KIRREL1: variants seen among roughly 807,000 people sequenced by gnomAD.
The protein encoded by KIRREL1 is kirre like nephrin family adhesion molecule 1.
Under a neutral mutation model 83.3 loss-of-function variants are expected in KIRREL1, and 25 were observed. The ratio of observed to expected loss-of-function variants is 0.30; its 90% CI spans 0.22 to 0.42. The LOEUF is 0.42. KIRREL1 is among the 10% of genes least tolerant of loss of function. KIRREL1 has a pLI of 1.00. For missense variants in KIRREL1, 812 were observed against 1,032.3 expected, an observed-to-expected ratio of 0.79 and a Z score of 2.92; for synonymous variants, 388 against 410.4, an observed-to-expected ratio of 0.95 and a Z score of 0.66.
At chr1:158,000,623 G>A (rs1659335863) in intron 1 of KIRREL1, among the ~76,000 whole-genome samples, 1 of 152,144 alleles carries the variant, frequency 6.6e-6, no homozygotes, top group Non-Finnish European at 1.5e-5. Context: ...TGACACTTTT[G>A]TTTTTTCTTT....
At chr1:158,073,679 G>T (rs1196933369) in intron 1 of KIRREL1, among the ~76,000 whole-genome samples, 2 of 152,152 alleles carry the variant, frequency 1.3e-5, no homozygotes, top group Admixed American at 1.3e-4. Flanking sequence ...GCTTGTCATT[G>T]TACAGGTGAG....
chr1:158,004,175 T>C (rs1054598424), intron 1 of KIRREL1, among the ~76,000 whole-genome samples: 1 of 152,170 alleles, frequency 6.6e-6, no homozygotes, highest in East Asian at 1.9e-4. Flanking sequence ...TCTAGGGTTG[T>C]TGTGAGGATT....
At chr1:158,031,385 G>A (rs1218549359) in intron 1 of KIRREL1, among the ~76,000 whole-genome samples, 1 of 152,096 alleles carries the variant, frequency 6.6e-6, no homozygotes, top group African/African-American at 2.4e-5. Context: ...ATGAGGCTTG[G>A]AGAGTTAGGG....
rs558306070 is a variant in KIRREL1, at chr1:158,018,158, G to C, written c.52+24430G>C. Among the ~76,000 whole-genome samples, 10 of 152,256 alleles carry C rather than the reference G, an allele frequency of 6.6e-5. No individual in the cohort carries two copies. The South Asian group carries it at 2.1e-3, about 32-fold the overall frequency. ...GGCTGGTGGAATATGCTGAGAGGAA[G>C]AATTGGGGGGGTGGGAAGCAGGAAA... is the stretch of plus-strand genomic sequence containing the variant. On this transcript the variant is annotated intron_variant, in intron 1 of 14. Transcript: ENST00000359209.
intron 11 of KIRREL1, among the ~76,000 whole-genome samples, chr1:158,092,642 C>T (rs188509144): frequency 1.8e-3 from 281 of 152,232 alleles, no homozygotes; most frequent in Non-Finnish European, 2.9e-3. Flanking sequence ...CCACCATGCC[C>T]GGCCTATCAC....
At position 158,095,278 on chromosome 1, in the gene KIRREL1, T is replaced by TC; in HGVS notation, c.*161dup. The stretch of plus-strand genomic sequence containing the variant: ...GAGCAGGTCTCCCAGAAACACCCCG[T>TC]CCCGAGGATGGTGCTCTGTGCATGC... On this transcript the variant is annotated 3_prime_UTR_variant, in exon 15 of 15. Coordinates refer to ENST00000359209, the MANE Select transcript of KIRREL1 (RefSeq NM_018240.7). The TC allele has an allele frequency of 1.6e-6, 1 of 616,842 alleles. No homozygotes were observed. The highest frequency in any genetic ancestry group is 2.8e-6 in the Non-Finnish European group (1 of 353,998). The allele number at this position is 616,842 out of a possible 1,614,324, so 38.2% of individuals were successfully genotyped here.
rs1662432433 is a variant in KIRREL1 at position 158,099,368 on chromosome 1, G to GT, written c.*4249dup. On this transcript the variant is annotated 3_prime_UTR_variant, in exon 15 of 15. Transcript: ENST00000359209. ...CTTGGCCTCCTCCTATCCCCCTATG[G>GT]TATTTCTCCTCCTCTCCTCAAGGCC... 6.6e-6 allele frequency: 1 copy of GT among 152,162 alleles called. No individual in the cohort carries two copies. Among genetic ancestry groups the GT allele is most frequent in the African/African-American group, 2.4e-5 (1 of 41,396 alleles). The allele number at this position is 152,162 out of a possible 1,614,324, so 9.4% of individuals were successfully genotyped here. A position where few individuals can be genotyped will look rare whatever the true frequency, so the allele number is the denominator to read the frequency against.
intron 1 of KIRREL1, among the ~76,000 whole-genome samples, chr1:157,994,653 G>T (rs937489292): frequency 1.3e-5 from 2 of 151,966 alleles, no homozygotes; most frequent in Non-Finnish European, 2.9e-5. Context: ...TGCCTCCCAG[G>T]TCTGACTCTA....
intron 1 of KIRREL1, among the ~76,000 whole-genome samples, chr1:158,027,448 C>T (rs1367013677): frequency 6.6e-6 from 1 of 152,184 alleles, no homozygotes; most frequent in Non-Finnish European, 1.5e-5. Flanking sequence ...TGGTGATCAA[C>T]TTAACCTTCA....
intron 3 of KIRREL1, among the ~76,000 whole-genome samples, chr1:158,082,811 T>C (rs562066619): frequency 2.0e-5 from 3 of 151,954 alleles, no homozygotes; most frequent in Non-Finnish European, 4.4e-5. Context: ...CTACAAAAAA[T>C]AGAAATTAGC....
chr1:158,010,842 T>C (rs1659667829), intron 1 of KIRREL1, among the ~76,000 whole-genome samples: 3 of 151,074 alleles, frequency 2.0e-5, no homozygotes. Context: ...AAGAAAGGAG[T>C]AAAGCAAACA....
chr1:158,011,186 C>T (rs1659677417), intron 1 of KIRREL1, among the ~76,000 whole-genome samples: 1 of 152,198 alleles, frequency 6.6e-6, no homozygotes, highest in African/African-American at 2.4e-5. Flanking sequence ...TCCTGACTAA[C>T]CCTCTCTTTT....
At chr1:158,077,697 T>C (rs1005918141) in intron 2 of KIRREL1, among the ~76,000 whole-genome samples, 1 of 152,204 alleles carries the variant, frequency 6.6e-6, no homozygotes, top group African/African-American at 2.4e-5. Flanking sequence ...TGTGCCTTTT[T>C]CTCTCCTCTT....
chr1:158,008,869 A>C (rs974563733), intron 1 of KIRREL1, among the ~76,000 whole-genome samples: 16 of 152,090 alleles, frequency 1.1e-4, no homozygotes, highest in African/African-American at 3.6e-4. Flanking sequence ...GTACCACCCA[A>C]TGGCCCTGTC....
chr1:157,999,683 A>G (rs897076386), intron 1 of KIRREL1, among the ~76,000 whole-genome samples: 2 of 148,308 alleles, frequency 1.3e-5, no homozygotes, highest in Non-Finnish European at 3.0e-5. Flanking sequence ...GGACCAGTTT[A>G]CTTGGCAATC....
chr1:158,048,285 AATT>A (rs902051279), intron 1 of KIRREL1, among the ~76,000 whole-genome samples: 25 of 152,188 alleles, frequency 1.6e-4, no homozygotes, highest in Non-Finnish European at 1.5e-5. Context: ...ACCTATGAAG[AATT>A]ATTTATGTTA....
chr1:158,090,737 G>C (rs994189372), intron 10 of KIRREL1, among the ~76,000 whole-genome samples: 4 of 152,206 alleles, frequency 2.6e-5, no homozygotes, highest in African/African-American at 9.7e-5. Flanking sequence ...GAGCCAGCCA[G>C]GCAGGTCGTG....
intron 1 of KIRREL1, among the ~76,000 whole-genome samples, chr1:158,058,707 C>T (rs991651217): frequency 1.3e-5 from 2 of 152,128 alleles, no homozygotes; most frequent in Non-Finnish European, 2.9e-5. Context: ...CCTCGGGGAT[C>T]TTGGTTAGGG....
chr1:158,075,294 G>A (rs914186460), intron 1 of KIRREL1, among the ~76,000 whole-genome samples: 2 of 152,222 alleles, frequency 1.3e-5, no homozygotes, highest in Non-Finnish European at 2.9e-5. Flanking sequence ...GCTGCCAGCC[G>A]GGCAGCCATG....
Sources: allele counts gnomAD v4.1 joint callset (sites outside exome capture counted in the v4.1 genomes callset), GRCh38; gene constraint gnomAD v4.1.1; transcripts MANE v1.5; gene names NCBI Gene and HGNC (gene_info 2026-07-23, HGNC 2026-07-21).